The following MSRB3 variants were observed in gnomAD, a reference collection of about 807,000 sequenced individuals.
MSRB3 encodes the protein methionine-R-sulfoxide reductase B3.
Under a neutral mutation model 21.0 loss-of-function variants are expected in MSRB3, and 13 were observed. That is an observed-to-expected ratio of 0.62 (90% CI 0.40 to 0.98). The LOEUF (loss-of-function observed/expected upper bound fraction) is 0.98, where lower values mean the gene tolerates loss of function less well. Among genes scored for constraint, MSRB3 ranks in the 50% least tolerant of loss-of-function variants. MSRB3 has a pLI of 0.00. For missense variants in MSRB3, 199 were observed against 230.3 expected (o/e 0.86, Z 0.88); for synonymous variants, 87 against 88.6 (o/e 0.98, Z 0.10).
At chr12:65,325,795 A>T (rs1343873588) in intron 2 of MSRB3, among the ~76,000 whole-genome samples, 1 of 152,218 alleles carries the variant, frequency 6.6e-6, no homozygotes, top group Non-Finnish European at 1.5e-5. Flanking sequence ...TCCCACTGTG[A>T]TGGATGGCAA....
At chr12:65,407,387 A>G (rs1422777934) in intron 5 of MSRB3, among the ~76,000 whole-genome samples, 3 of 146,998 alleles carry the variant, frequency 2.0e-5, no homozygotes, top group East Asian at 2.0e-4. Context: ...TGCTCTCTTC[A>G]TTGTATGGTT....
chr12:65,419,434 T>C (rs2136640147), intron 5 of MSRB3: 1 of 748,376 alleles, frequency 1.3e-6, no homozygotes, highest in Admixed American at 1.7e-5. Flanking sequence ...CAGCTGCAGC[T>C]GAGTGACACT....
At chr12:65,388,462 T>C (rs1285026859) in intron 5 of MSRB3, among the ~76,000 whole-genome samples, 2 of 152,210 alleles carry the variant, frequency 1.3e-5, no homozygotes, top group East Asian at 3.8e-4. Flanking sequence ...GGGACTGTGT[T>C]TCAGTGTTAT....
chr12:65,457,374 C>G (rs1883137808), intron 6 of MSRB3, among the ~76,000 whole-genome samples: 1 of 152,082 alleles, frequency 6.6e-6, no homozygotes, highest in South Asian at 2.1e-4. Flanking sequence ...TCCCCTAGCC[C>G]CCAATCACCT....
At chr12:65,463,030 A>G in intron 6 of MSRB3, 125 bp from the exon 7 acceptor site, 1 of 1,205,696 alleles carries the variant, frequency 8.3e-7, no homozygotes. Flanking sequence ...CGGATTAGAA[A>G]TCATCCACGA....
chr12:65,296,083 A>C (rs898438412), intron 1 of MSRB3, among the ~76,000 whole-genome samples: 1 of 152,212 alleles, frequency 6.6e-6, no homozygotes, highest in Non-Finnish European at 1.5e-5. Flanking sequence ...TATTTTCTTC[A>C]TGCATACACA....
chr12:65,291,957 T>C (rs1872689462), intron 1 of MSRB3, among the ~76,000 whole-genome samples: 1 of 152,026 alleles, frequency 6.6e-6, no homozygotes, highest in African/African-American at 2.4e-5. Flanking sequence ...GGGCCAAGAG[T>C]GGAGGCAGTA....
At chr12:65,416,433 G>A (rs1261274807) in intron 5 of MSRB3, among the ~76,000 whole-genome samples, 1 of 152,180 alleles carries the variant, frequency 6.6e-6, no homozygotes, top group African/African-American at 2.4e-5. Flanking sequence ...TTAATGATGG[G>A]AGTACGTCTG....
intron 4 of MSRB3, among the ~76,000 whole-genome samples, chr12:65,344,986 C>A (rs573163581): frequency 6.6e-6 from 1 of 151,866 alleles, no homozygotes; most frequent in African/African-American, 2.4e-5. Flanking sequence ...TGAGTCCAGG[C>A]GAAGGTTAAG....
At chr12:65,307,034 C>T in intron 1 of MSRB3, 1 of 985,636 alleles carries the variant, frequency 1.0e-6, no homozygotes, top group Non-Finnish European at 1.2e-6. Context: ...TAAGTAATTA[C>T]ATTTACTGTG....
chr12:65,413,224 A>G (rs1475877375), intron 5 of MSRB3, among the ~76,000 whole-genome samples: 1 of 152,208 alleles, frequency 6.6e-6, no homozygotes, highest in Non-Finnish European at 1.5e-5. Flanking sequence ...ACTGAGAGAA[A>G]AGGCAGGCTT....
At position 65,361,758 on chromosome 12, in the gene MSRB3, G is replaced by A. The variant is rs78407204; in HGVS notation, c.264-7240G>A. On this transcript the variant is annotated intron_variant, in intron 4 of 6. Coordinates refer to ENST00000308259, the MANE Select transcript of MSRB3 (RefSeq NM_001031679.3). The stretch of plus-strand genomic sequence containing the variant: ...CATTTTCACATTAAAGTTAAAAGAC[G>A]TATAATACTATATTTTGTTAAACCA... 9.8e-3 allele frequency among the ~76,000 whole-genome samples: 1,497 copies of A among 152,152 alleles called. 15 individuals are homozygous for A. The highest frequency in any genetic ancestry group is 0.02 in the Middle Eastern group (6 of 294).
At chr12:65,412,562 C>A (rs907998654) in intron 5 of MSRB3, among the ~76,000 whole-genome samples, 1 of 152,024 alleles carries the variant, frequency 6.6e-6, no homozygotes, top group Non-Finnish European at 1.5e-5. Context: ...CATTGTACCC[C>A]CTGGATAATA....
chr12:65,355,415 A>G (rs1330157423), intron 4 of MSRB3, among the ~76,000 whole-genome samples: 1 of 151,986 alleles, frequency 6.6e-6, no homozygotes, highest in East Asian at 1.9e-4. Context: ...AACTAACTCT[A>G]TTTGGTTTAT....
At chr12:65,425,444 G>T (rs1881551158) in intron 5 of MSRB3, among the ~76,000 whole-genome samples, 1 of 151,832 alleles carries the variant, frequency 6.6e-6, no homozygotes. Flanking sequence ...TCTCTTTTAT[G>T]ACTTTCCTTT....
chr12:65,366,068 A>G (rs1473499041), intron 4 of MSRB3, among the ~76,000 whole-genome samples: 3 of 152,170 alleles, frequency 2.0e-5, no homozygotes, highest in Non-Finnish European at 2.9e-5. Flanking sequence ...AAAGTGATCT[A>G]GTCCATGACA....
intron 2 of MSRB3, among the ~76,000 whole-genome samples, chr12:65,320,988 A>G (rs775864971): frequency 1.3e-5 from 2 of 152,188 alleles, no homozygotes; most frequent in African/African-American, 2.4e-5. Flanking sequence ...TTCAGAGATC[A>G]GCACAGACAC....
At chr12:65,298,545 C>T (rs1182369725) in intron 1 of MSRB3, among the ~76,000 whole-genome samples, 1 of 152,170 alleles carries the variant, frequency 6.6e-6, no homozygotes, top group Non-Finnish European at 1.5e-5. Context: ...CTTTTCCTCT[C>T]TCCTAAGCCC....
intron 5 of MSRB3, among the ~76,000 whole-genome samples, chr12:65,382,410 C>T (rs1878985678): frequency 6.6e-6 from 1 of 151,728 alleles, no homozygotes; most frequent in African/African-American, 2.4e-5. Context: ...TTATTTTCCC[C>T]TGTGTTGTTA....
Sources: gnomAD v4.1 joint callset for allele counts (sites outside exome capture counted in the v4.1 genomes callset) on GRCh38, gnomAD v4.1.1 for gene constraint, MANE v1.5 for transcripts, NCBI Gene and HGNC (gene_info 2026-07-23, HGNC 2026-07-21) for gene names.